Variants in CNNM1 observed in about 807,000 individuals in gnomAD.
CNNM1 encodes metal transporter CNNM1.
CNNM1 carries 44 observed loss-of-function variants against 78.8 expected under a neutral mutation model. The observed-to-expected ratio is 0.56, with a 90% CI of 0.44 to 0.72. CNNM1 has a LOEUF of 0.72. Ranked by LOEUF, CNNM1 falls within the 30% of genes least tolerant of loss-of-function variation. The pLI, the probability that CNNM1 is intolerant of heterozygous loss-of-function variation, is 0.00. For synonymous variants in CNNM1, 584 were observed against 581.5 expected (o/e 1.00, Z -0.06); for missense variants, 1,101 against 1,292.2 (o/e 0.85, Z 2.27).
chr10:99,347,598 C>CACACACACACACACACACACAA (rs1183280276), intron 1 of CNNM1, among the ~76,000 whole-genome samples: 1 of 151,706 alleles, frequency 6.6e-6, no homozygotes, highest in Non-Finnish European at 1.5e-5. Flanking sequence ...CACACACACA[C>CACACACACACACACACACACAA]AAATGTTGCA....
At chr10:99,343,122 C>G (rs964004959) in intron 1 of CNNM1, among the ~76,000 whole-genome samples, 1 of 152,040 alleles carries the variant, frequency 6.6e-6, no homozygotes, top group Non-Finnish European at 1.5e-5. Flanking sequence ...GCCACCACTC[C>G]CAGCTGATTT....
At chr10:99,339,509 G>A (rs751451451) in intron 1 of CNNM1, among the ~76,000 whole-genome samples, 11 of 152,212 alleles carry the variant, frequency 7.2e-5, no homozygotes, top group Non-Finnish European at 1.5e-4. Flanking sequence ...CCCACCTCCT[G>A]TCAGATCAGC....
At position 99,329,979 on chromosome 10, in the gene CNNM1, G is replaced by A; in HGVS notation, c.592G>A (p.Gly198Ser). The A allele has an allele frequency of 7.2e-7, 1 of 1,388,386 alleles. No homozygotes were observed. Among genetic ancestry groups the A allele is most frequent in the Non-Finnish European group, 9.2e-7 (1 of 1,082,638 alleles). The allele number at this position is 1,388,386 out of a possible 1,614,324, so 86.0% of individuals were successfully genotyped here. Residue 198 changes from glycine to serine, a missense_variant, in exon 1 of 11, where the codon GGC becomes AGC. This residue lies in a region of CNNM1 where 476 missense variants were observed against 484.5 expected (regional missense o/e 0.98). Transcript: ENST00000356713. ...GGATGGGCGCGCGTGGCACCACCACGGCGCCGCCGGCGGCTTCCTGCTGCG... is the reference window on the plus strand; with the variant it reads ...GGATGGGCGCGCGTGGCACCACCACAGCGCCGCCGGCGGCTTCCTGCTGCG... The part of the protein sequence containing the change: ...AWDGRAWHHH[G>S]AAGGFLLRVR...
chr10:99,388,338 G>A, intron 9 of CNNM1, 37 bp downstream of exon 9: 1 of 1,601,254 alleles, frequency 6.2e-7, no homozygotes. Context: ...CAGCAAGGGA[G>A]ATCATTGCCT....
At chr10:99,358,713 C>T (rs548994239) in intron 2 of CNNM1, among the ~76,000 whole-genome samples, 11 of 152,128 alleles carry the variant, frequency 7.2e-5, no homozygotes, top group East Asian at 1.9e-4. Flanking sequence ...CCGGACCAGG[C>T]GTGTCTTCCT....
intron 6 of CNNM1, among the ~76,000 whole-genome samples, chr10:99,371,522 GT>G (rs1316796007): frequency 6.6e-6 from 1 of 152,052 alleles, no homozygotes; most frequent in African/African-American, 2.4e-5. Flanking sequence ...TCAGTGCTCG[GT>G]TATCTATTCA....
intron 6 of CNNM1, among the ~76,000 whole-genome samples, chr10:99,365,339 T>G (rs1159805849): frequency 6.6e-6 from 1 of 152,226 alleles, no homozygotes; most frequent in Non-Finnish European, 1.5e-5. Flanking sequence ...CTTCCTTCTG[T>G]GCAATAACAA....
At chr10:99,347,916 A>G (rs918970640) in intron 1 of CNNM1, among the ~76,000 whole-genome samples, 2 of 151,846 alleles carry the variant, frequency 1.3e-5, no homozygotes, top group African/African-American at 4.8e-5. Flanking sequence ...TCCCTTCCCT[A>G]AAATTGTAAC....
rs75170278 is a variant in CNNM1 at position 99,390,200 on chromosome 10, G to A, written c.2675-106G>A. On this transcript the variant is annotated intron_variant, in intron 9 of 10. Transcript: ENST00000356713. ...TTACACCACCCTCACCTTGGCTCACGTCTTAAACTTCACTTGCTGAGGGAT... is the reference window on the plus strand; with the variant it reads ...TTACACCACCCTCACCTTGGCTCACATCTTAAACTTCACTTGCTGAGGGAT... 5,682 of 794,974 alleles carry A rather than the reference G, an allele frequency of 7.1e-3. 32 individuals are homozygous for A. Among genetic ancestry groups the A allele is most frequent in the Middle Eastern group, 0.018 (69 of 3,814 alleles). 49.2% of individuals were successfully genotyped at this position (794,974 alleles called of 1,614,324 possible).
intron 2 of CNNM1, among the ~76,000 whole-genome samples, chr10:99,359,936 A>T (rs370844453): frequency 7.1e-6 from 1 of 140,924 alleles, no homozygotes; most frequent in South Asian, 2.3e-4. Context: ...AAAAAAAAAA[A>T]CAAAAAAAAA....
intron 1 of CNNM1, among the ~76,000 whole-genome samples, chr10:99,356,564 G>GAAAGAAAGAAAGAAAAGAA (rs1554940027): frequency 2.0e-5 from 2 of 98,186 alleles, no homozygotes. Context: ...CAGACAGACA[G>GAAAGAAAGAAAGAAAAGAA]AAAGAAAGAA....
In CNNM1 at chr10:99,329,495, G is replaced by GGCC; in HGVS notation, c.118_120dup (p.Ala40dup). 1.3e-6 allele frequency: 2 copies of GGCC among 1,507,320 alleles called. No homozygotes were observed. Among genetic ancestry groups the GGCC allele is most frequent in the South Asian group, 1.2e-5 (1 of 80,378 alleles). 93.4% of individuals were successfully genotyped at this position (1,507,320 alleles called of 1,614,324 possible). On this transcript the variant is annotated inframe_insertion, in exon 1 of 11. Coordinates refer to ENST00000356713, the MANE Select transcript of CNNM1 (RefSeq NM_020348.3). ...TCTTTTCCCTGTCTCCTCGGCCCCC[G>GGCC]GCCGCCGCCGCCTGGCTGCTGGGCC...
Position 99,362,257 on chromosome 10 carries a change from C to T in CNNM1, c.1889C>T (p.Ser630Leu), listed in dbSNP as rs752982308. Residue 630 changes from serine (S) to leucine (L), a missense_variant, in exon 4 of 11, where the codon TCG becomes TTG. Around this residue, in one of 3 missense-constraint regions of CNNM1, gnomAD observed 277 missense variants for 423.2 expected, o/e 0.65. Coordinates refer to ENST00000356713, the MANE Select transcript of CNNM1 (RefSeq NM_020348.3). The part of the protein sequence containing the change: ...EVEPFKSLYL[S>L]EKILLRLLKH... The stretch of plus-strand genomic sequence containing the variant: ...GAGCCCTTTAAGTCTCTGTACCTTT[C>T]GGAGAAGATCCTGCTCCGGCTCCTG... 1.5e-5 allele frequency: 24 copies of T among 1,613,520 alleles called. No individual in the cohort carries two copies. Among genetic ancestry groups the T allele is most frequent in the Non-Finnish European group, 1.7e-5 (20 of 1,179,682 alleles).
chr10:99,332,532 G>C (rs986091270), intron 1 of CNNM1, among the ~76,000 whole-genome samples: 7 of 141,768 alleles, frequency 4.9e-5, no homozygotes, highest in Non-Finnish European at 9.3e-5. Context: ...GAAAGAAAGA[G>C]AGAGAGAGGA....
intron 1 of CNNM1, among the ~76,000 whole-genome samples, chr10:99,340,094 T>C (rs1036951086): frequency 6.6e-6 from 1 of 152,230 alleles, no homozygotes; most frequent in African/African-American, 2.4e-5. Context: ...TAGTCCATTG[T>C]ATATAGAGAG....
At chr10:99,347,079 G>A (rs1275695087) in intron 1 of CNNM1, among the ~76,000 whole-genome samples, 3 of 151,986 alleles carry the variant, frequency 2.0e-5, no homozygotes, top group Non-Finnish European at 4.4e-5. Context: ...TACCTATTGG[G>A]TACTATGCTT....
At chr10:99,383,272 G>A (rs1301906556) in intron 7 of CNNM1, among the ~76,000 whole-genome samples, 3 of 151,404 alleles carry the variant, frequency 2.0e-5, no homozygotes, top group Non-Finnish European at 2.9e-5. Flanking sequence ...GTTTTTTGAC[G>A]GAGTCTCACT....
At chr10:99,378,767 T>C (rs1321511032) in intron 7 of CNNM1, among the ~76,000 whole-genome samples, 4 of 151,994 alleles carry the variant, frequency 2.6e-5, no homozygotes, top group African/African-American at 9.7e-5. Context: ...GAGTATAGGG[T>C]CCCATGGCTA....
In CNNM1 at chr10:99,362,370, G is replaced by A. The variant is rs779563342; in HGVS notation, c.2002G>A (p.Val668Met). The A allele has an allele frequency of 4.8e-5, 77 of 1,613,818 alleles. No homozygotes were observed. Among genetic ancestry groups the A allele is most frequent in the African/African-American group, 4.3e-4 (32 of 75,038 alleles). The change falls in exon 4 of 11, where the codon GTG (valine) becomes ATG (methionine). Residue 668 changes from valine to methionine, a missense_variant. Coordinates refer to ENST00000356713, the MANE Select transcript of CNNM1 (RefSeq NM_020348.3). ...EHYLYQRNRP[V>M]DYFVLLLQGK... ...CTACCTCTACCAGCGCAACCGCCCT[G>A]TGGACTACTTTGTGCTGCTTCTACA...
Sources: allele counts gnomAD v4.1 joint callset (sites outside exome capture counted in the v4.1 genomes callset), GRCh38; gene constraint gnomAD v4.1.1; regional missense constraint gnomAD v4.1.1; transcripts MANE v1.5; gene names NCBI Gene and HGNC (gene_info 2026-07-23, HGNC 2026-07-21).